MAP4K4: variants seen among roughly 807,000 people sequenced by gnomAD.
MAP4K4 encodes HPK/GCK-like kinase HGK.
A neutral mutation model predicts 189.6 loss-of-function variants in MAP4K4; 38 were observed. That is an observed-to-expected ratio of 0.20 (90% CI 0.15 to 0.26). The LOEUF is 0.26. Among genes scored for constraint, MAP4K4 ranks in the 10% least tolerant of loss-of-function variants. The pLI, the probability that MAP4K4 is intolerant of heterozygous loss-of-function variation, is 1.00. For missense variants in MAP4K4, 1,054 were observed against 1,726.9 expected, an observed-to-expected ratio of 0.61 and a Z score of 6.91; for synonymous variants, 610 against 624.3, an observed-to-expected ratio of 0.98 and a Z score of 0.34.
At chr2:101,874,891 T>G (rs2098155841) in intron 26 of MAP4K4, among the ~76,000 whole-genome samples, 1 of 152,228 alleles carries the variant, frequency 6.6e-6, no homozygotes, top group Non-Finnish European at 1.5e-5. Context: ...AAAAGAGTCT[T>G]CAGCTTTATC....
intron 5 of MAP4K4, 41 bp from the exon 6 acceptor site, chr2:101,829,463 G>A: frequency 1.4e-6 from 2 of 1,383,902 alleles, no homozygotes; most frequent in Non-Finnish European, 2.0e-6. Context: ...TTTACTTATA[G>A]TCACAGAAAA....
In MAP4K4 at chr2:101,886,203, C is replaced by T. The variant is rs560081587; in HGVS notation, c.3622-885C>T. On this transcript the variant is annotated intron_variant, in intron 29 of 32. Coordinates refer to ENST00000324219, the Ensembl canonical transcript of MAP4K4. ...ATCTGGCCTTAATATCCTTTATATA[C>T]CAGGTACCGTACTAGTTGGTTTTAT... Among the ~76,000 whole-genome samples, 4 of 152,252 alleles carry T rather than the reference C, an allele frequency of 2.6e-5. No individual in the cohort carries two copies. In the South Asian group the frequency reaches 6.2e-4, roughly 24 times the overall value.
chr2:101,823,622 A>G (rs1245799373), intron 3 of MAP4K4, among the ~76,000 whole-genome samples: 1 of 152,202 alleles, frequency 6.6e-6, no homozygotes, highest in Admixed American at 6.5e-5. Context: ...CGAGGCTCAG[A>G]GAAGTGGAGT....
At chr2:101,856,963 C>T (rs1414332504) in intron 13 of MAP4K4, among the ~76,000 whole-genome samples, 2 of 152,230 alleles carry the variant, frequency 1.3e-5, no homozygotes, top group South Asian at 2.1e-4. Context: ...GGTCTGCATG[C>T]TCCTCGGTGT....
At chr2:101,832,439 G>A (rs528365611) in intron 7 of MAP4K4, among the ~76,000 whole-genome samples, 2 of 152,232 alleles carry the variant, frequency 1.3e-5, no homozygotes, top group East Asian at 3.9e-4. Flanking sequence ...TAATATACCC[G>A]TTAATGATAT....
intron 2 of MAP4K4, among the ~76,000 whole-genome samples, chr2:101,789,379 G>A (rs991068886): frequency 9.2e-5 from 14 of 152,144 alleles, no homozygotes; most frequent in African/African-American, 3.1e-4. Flanking sequence ...CTTGACCACT[G>A]ACCATGTGCC....
intron 2 of MAP4K4, among the ~76,000 whole-genome samples, chr2:101,713,551 A>C (rs935513052): frequency 6.8e-6 from 1 of 146,508 alleles, no homozygotes; most frequent in Non-Finnish European, 1.5e-5. Flanking sequence ...AGCTGAGATC[A>C]CGCCACTGCA....
intron 2 of MAP4K4, among the ~76,000 whole-genome samples, chr2:101,759,487 TCCCCTCTCCTCCCCTCTCCC>T (rs2074742725): frequency 3.3e-5 from 1 of 30,598 alleles, no homozygotes; most frequent in Non-Finnish European, 6.3e-5. Flanking sequence ...TCCCCTCCCC[TCCCCTCTCCTCCCCTCTCCC>T]CTCCCCTCCC....
chr2:101,847,256 C>G (rs1038080381), intron 12 of MAP4K4, among the ~76,000 whole-genome samples: 4 of 152,142 alleles, frequency 2.6e-5, no homozygotes, highest in African/African-American at 9.7e-5. Context: ...CAATTATATA[C>G]AGTATATGTT....
intron 3 of MAP4K4, among the ~76,000 whole-genome samples, chr2:101,797,898 T>TTTTTTTTTC (rs2093937514): frequency 7.8e-6 from 1 of 128,326 alleles, no homozygotes; most frequent in Non-Finnish European, 1.6e-5. Flanking sequence ...AGTTTTTTTT[T>TTTTTTTTTC]TTTTTTTTTT....
exon 33 of MAP4K4, chr2:101,892,674 T>C (rs1353884665): frequency 9.1e-6 from 3 of 330,632 alleles, no homozygotes; most frequent in Non-Finnish European, 1.2e-5. Context: ...GCATCTTCTG[T>C]GTTTTAGGTG....
At chr2:101,795,126 T>A (rs2093549814) in intron 3 of MAP4K4, among the ~76,000 whole-genome samples, 1 of 152,176 alleles carries the variant, frequency 6.6e-6, no homozygotes, top group Non-Finnish European at 1.5e-5. Context: ...AAGTTGGGTC[T>A]CTTGGAGGTG....
chr2:101,700,545 G>A (rs991572827), intron 2 of MAP4K4, among the ~76,000 whole-genome samples: 2 of 152,092 alleles, frequency 1.3e-5, no homozygotes, highest in African/African-American at 4.8e-5. Context: ...TATTATTATG[G>A]AAAATTTCAA....
At chr2:101,858,100 G>A (rs2097532378) in intron 13 of MAP4K4, among the ~76,000 whole-genome samples, 1 of 152,138 alleles carries the variant, frequency 6.6e-6, no homozygotes. Context: ...CCTGAGGGTT[G>A]GGAGAGGAGA....
At chr2:101,728,698 T>C (rs2056852067) in intron 2 of MAP4K4, among the ~76,000 whole-genome samples, 1 of 152,132 alleles carries the variant, frequency 6.6e-6, no homozygotes, top group Non-Finnish European at 1.5e-5. Context: ...TTTGTATTTT[T>C]AGTGCAGACG....
At chr2:101,813,622 A>G (rs1266191270) in intron 3 of MAP4K4, among the ~76,000 whole-genome samples, 1 of 152,208 alleles carries the variant, frequency 6.6e-6, no homozygotes, top group Non-Finnish European at 1.5e-5. Flanking sequence ...AATGACGTAC[A>G]TAGTTAGGAC....
At chr2:101,731,358 C>T (rs1024048866) in intron 2 of MAP4K4, among the ~76,000 whole-genome samples, 12 of 151,864 alleles carry the variant, frequency 7.9e-5, no homozygotes, top group Admixed American at 2.0e-4. Context: ...CTAGGTGATC[C>T]GCCTGCCTTG....
intron 21 of MAP4K4, among the ~76,000 whole-genome samples, chr2:101,868,497 A>G (rs2097884008): frequency 6.6e-6 from 1 of 152,266 alleles, no homozygotes. Flanking sequence ...GTGGAGTATA[A>G]ATAGTAATCA....
At chr2:101,790,821 A>G (rs998953463) in intron 3 of MAP4K4, 45 bp downstream of exon 3, 3 of 1,442,460 alleles carry the variant, frequency 2.1e-6, no homozygotes, top group Non-Finnish European at 2.9e-6. Flanking sequence ...TAGATGGAAG[A>G]CAAAGATTCC....
Sources: allele counts gnomAD v4.1 joint callset (sites outside exome capture counted in the v4.1 genomes callset), GRCh38; gene constraint gnomAD v4.1.1; transcripts MANE v1.5; gene names NCBI Gene and HGNC (gene_info 2026-07-23, HGNC 2026-07-21).